The following TXNDC11 variants were observed in gnomAD, a reference collection of about 807,000 sequenced individuals.
TXNDC11 encodes thioredoxin domain-containing protein 11.
A neutral mutation model predicts 78.0 loss-of-function variants in TXNDC11; 68 were observed. The ratio of observed to expected loss-of-function variants is 0.87; its 90% CI spans 0.72 to 1.07. The LOEUF (loss-of-function observed/expected upper bound fraction) is 1.07. Ranked by LOEUF, TXNDC11 falls within the 50% of genes least tolerant of loss-of-function variation. The pLI is 0.00. For missense variants in TXNDC11, 1,389 were observed against 1,221.8 expected, an observed-to-expected ratio of 1.14 and a Z score of -2.04; for synonymous variants, 571 against 495.2, an observed-to-expected ratio of 1.15 and a Z score of -2.03.
intron 4 of TXNDC11, among the ~76,000 whole-genome samples, chr16:11,730,128 T>G (rs537821098): frequency 1.3e-5 from 2 of 152,140 alleles, no homozygotes; most frequent in Non-Finnish European, 2.9e-5. Context: ...GGGGTTGAAG[T>G]TGGCAGTGGG....
intron 8 of TXNDC11, among the ~76,000 whole-genome samples, chr16:11,689,490 A>C (rs935146412): frequency 1.3e-5 from 2 of 152,236 alleles, no homozygotes; most frequent in Non-Finnish European, 2.9e-5. Flanking sequence ...CTGATTTATG[A>C]GTTAAGTCTC....
At chr16:11,697,310 G>T (rs2050885274) in intron 7 of TXNDC11, among the ~76,000 whole-genome samples, 1 of 152,190 alleles carries the variant, frequency 6.6e-6, no homozygotes, top group South Asian at 2.1e-4. Flanking sequence ...GAGGGGCTCA[G>T]GTCTGCTTAG....
chr16:11,734,438 C>G (rs559226419), intron 2 of TXNDC11, among the ~76,000 whole-genome samples: 1 of 152,136 alleles, frequency 6.6e-6, no homozygotes, highest in Admixed American at 6.6e-5. Flanking sequence ...AAAAAAGCAG[C>G]AGTCCCTGGA....
intron 5 of TXNDC11, among the ~76,000 whole-genome samples, chr16:11,704,234 A>G (rs1466784294): frequency 1.3e-5 from 2 of 152,212 alleles, no homozygotes; most frequent in African/African-American, 4.8e-5. Flanking sequence ...TACACAGAAT[A>G]AGATAAATAC....
rs1405230336 is a variant in TXNDC11 at position 11,684,209 on chromosome 16, A to G, written c.2190T>C (p.Phe730=). 7 of 1,613,896 alleles carry G rather than the reference A, an allele frequency of 4.3e-6. No homozygotes were observed. The highest frequency in any genetic ancestry group is 3.3e-5 in the Admixed American group (2 of 60,032). Residue 730 remains phenylalanine (F), a synonymous_variant, in exon 11 of 12, where the codon TTT becomes TTC. Coordinates refer to ENST00000283033, the MANE Select transcript of TXNDC11 (RefSeq NM_015914.7). ...DVSQNDLPWE[F]MVDRLPTVLF... is the part of the protein sequence containing the mutation. The stretch of plus-strand genomic sequence containing the variant: ...AGACAGTAGGAAGACGATCGACCAT[A>G]AATTCCCAAGGAAGGTCATTCTGAG...
chr16:11,708,516 G>T (rs1316137892), intron 5 of TXNDC11, among the ~76,000 whole-genome samples: 2 of 152,188 alleles, frequency 1.3e-5, no homozygotes, highest in African/African-American at 4.8e-5. Flanking sequence ...GAACAATGTG[G>T]AATTCCTTAC....
At chr16:11,692,320 T>C (rs1011662406) in intron 7 of TXNDC11, 3 of 455,074 alleles carry the variant, frequency 6.6e-6, no homozygotes, top group African/African-American at 5.9e-5. Context: ...GTCCAGCGTG[T>C]CCATGCTGTG....
intron 4 of TXNDC11, among the ~76,000 whole-genome samples, chr16:11,726,961 G>A (rs535410005): frequency 2.4e-4 from 37 of 152,164 alleles, no homozygotes; most frequent in African/African-American, 7.2e-4. Flanking sequence ...GCTGAGGCAC[G>A]AGAATCACCT....
intron 11 of TXNDC11, among the ~76,000 whole-genome samples, chr16:11,683,571 CAGA>C (rs71406271): frequency 0.36 from 54,687 of 151,760 alleles, 11,474 homozygotes; most frequent in Non-Finnish European, 0.48. Context: ...GCCAGGGCAA[CAGA>C]AGAATCCTGT....
chr16:11,706,882 C>T (rs938579029), intron 5 of TXNDC11, among the ~76,000 whole-genome samples: 2 of 152,082 alleles, frequency 1.3e-5, no homozygotes, highest in East Asian at 1.9e-4. Flanking sequence ...GTTTGAACTG[C>T]GTGGGTCCAC....
intron 7 of TXNDC11, among the ~76,000 whole-genome samples, chr16:11,697,566 G>A (rs1465803589): frequency 1.3e-5 from 2 of 152,200 alleles, no homozygotes; most frequent in African/African-American, 4.8e-5. Flanking sequence ...GCCGAAGACA[G>A]GCAGGAACAG....
intron 5 of TXNDC11, among the ~76,000 whole-genome samples, chr16:11,717,238 C>G (rs1173785313): frequency 1.3e-5 from 2 of 150,762 alleles, no homozygotes; most frequent in African/African-American, 4.9e-5. Flanking sequence ...CCAGCCTGGC[C>G]AACATGGCAA....
chr16:11,680,347 T>TTC (rs1355420679), intron 11 of TXNDC11, among the ~76,000 whole-genome samples: 1 of 152,106 alleles, frequency 6.6e-6, no homozygotes, highest in African/African-American at 2.4e-5. Context: ...AAGGCAGGGG[T>TTC]TCTCAACTGG....
At chr16:11,692,335 C>A (rs2050744307) in intron 7 of TXNDC11, 1 of 419,338 alleles carries the variant, frequency 2.4e-6, no homozygotes, top group Non-Finnish European at 4.2e-6. Context: ...GCTGTGGATG[C>A]TGCCAGCCTG....
intron 1 of TXNDC11, among the ~76,000 whole-genome samples, chr16:11,739,972 C>T (rs2052343361): frequency 6.6e-6 from 1 of 151,894 alleles, no homozygotes; most frequent in Non-Finnish European, 1.5e-5. Flanking sequence ...GTAGGAGGAC[C>T]ACCTGAAGTC....
intron 7 of TXNDC11, among the ~76,000 whole-genome samples, chr16:11,695,364 C>G (rs2050831288): frequency 6.6e-6 from 1 of 152,118 alleles, no homozygotes; most frequent in Non-Finnish European, 1.5e-5. Context: ...TGGTATGCCC[C>G]CAACTCTATT....
intron 6 of TXNDC11, among the ~76,000 whole-genome samples, chr16:11,698,741 T>C (rs956204303): frequency 3.3e-5 from 5 of 152,328 alleles, no homozygotes; most frequent in East Asian, 3.9e-4. Flanking sequence ...ATTTTGACCT[T>C]GGTCCTTCAA....
At chr16:11,739,738 A>G (rs749723485) in intron 1 of TXNDC11, among the ~76,000 whole-genome samples, 3 of 152,180 alleles carry the variant, frequency 2.0e-5, no homozygotes, top group Non-Finnish European at 4.4e-5. Context: ...AGACACAGGT[A>G]AGTAAAGATT....
intron 7 of TXNDC11, 28 bp downstream of exon 7, chr16:11,698,097 G>A (rs1219537688): frequency 1.9e-6 from 3 of 1,608,982 alleles, no homozygotes; most frequent in African/African-American, 2.7e-5. Flanking sequence ...TACTCCTCAT[G>A]AGGTGCTTTT....
Sources: allele counts gnomAD v4.1 joint callset (sites outside exome capture counted in the v4.1 genomes callset), GRCh38; gene constraint gnomAD v4.1.1; transcripts MANE v1.5; gene names NCBI Gene and HGNC (gene_info 2026-07-23, HGNC 2026-07-21).